Variants in RORB observed in about 807,000 individuals in gnomAD.
RORB encodes the protein nuclear receptor ROR-beta.
Under a neutral mutation model 59.1 loss-of-function variants are expected in RORB, and 6 were observed. That is an observed-to-expected ratio of 0.10 (90% CI 0.06 to 0.20). The LOEUF (loss-of-function observed/expected upper bound fraction) is 0.20, where lower values mean the gene tolerates loss of function less well. Among genes scored for constraint, RORB ranks in the 10% least tolerant of loss-of-function variants. The probability of loss-of-function intolerance (pLI) is 1.00; values close to 1 mark genes in which losing one functional copy is unlikely to be tolerated. For missense variants in RORB, 320 were observed against 560.5 expected, an observed-to-expected ratio of 0.57 and a Z score of 4.33; for synonymous variants, 215 against 204.5, an observed-to-expected ratio of 1.05 and a Z score of -0.44.
At chr9:74,575,445 T>C (rs778189378) in intron 1 of RORB, among the ~76,000 whole-genome samples, 3 of 152,108 alleles carry the variant, frequency 2.0e-5, no homozygotes, top group Admixed American at 6.6e-5. Context: ...CAGAAACTTT[T>C]CTGAAGCCCC....
intron 1 of RORB, among the ~76,000 whole-genome samples, chr9:74,609,638 T>C (rs1823204482): frequency 6.6e-6 from 1 of 152,226 alleles, no homozygotes; most frequent in Non-Finnish European, 1.5e-5. Flanking sequence ...GCATTTTCTC[T>C]TTTATTTCTC....
intron 1 of RORB, among the ~76,000 whole-genome samples, chr9:74,528,014 T>C (rs1452670632): frequency 1.3e-5 from 2 of 152,020 alleles, no homozygotes; most frequent in Non-Finnish European, 2.9e-5. Flanking sequence ...GATCAACAGA[T>C]GACCATAAAT....
intron 4 of RORB, among the ~76,000 whole-genome samples, chr9:74,651,933 T>A (rs562636191): frequency 1.3e-5 from 2 of 152,340 alleles, no homozygotes; most frequent in Admixed American, 1.3e-4. Context: ...AGACACACAC[T>A]GTTGCAATAC....
At chr9:74,659,983 T>C (rs923251799) in intron 4 of RORB, among the ~76,000 whole-genome samples, 12 of 87,696 alleles carry the variant, frequency 1.4e-4, no homozygotes, top group African/African-American at 5.1e-4. Context: ...ATTCCAATCA[T>C]TATCAACTCA....
chr9:74,627,946 G>GTGA (rs1006346050), intron 1 of RORB, among the ~76,000 whole-genome samples: 1 of 152,156 alleles, frequency 6.6e-6, no homozygotes, highest in African/African-American at 2.4e-5. Context: ...AATGATTGAT[G>GTGA]TGATGATGAT....
intron 4 of RORB, among the ~76,000 whole-genome samples, chr9:74,646,800 C>A (rs1480839509): frequency 1.3e-5 from 2 of 152,152 alleles, no homozygotes; most frequent in Non-Finnish European, 2.9e-5. Flanking sequence ...TTTCTGCCCT[C>A]ACCATCTAGG....
chr9:74,531,903 A>C (rs1263821526), intron 1 of RORB, among the ~76,000 whole-genome samples: 1 of 151,936 alleles, frequency 6.6e-6, no homozygotes, highest in Non-Finnish European at 1.5e-5. Context: ...CTTGAAATGC[A>C]CAGTGTCAAA....
chr9:74,672,305 C>T (rs531328527), intron 9 of RORB, among the ~76,000 whole-genome samples: 1 of 152,268 alleles, frequency 6.6e-6, no homozygotes, highest in African/African-American at 2.4e-5. Context: ...AAAGAAAGAA[C>T]AATCAAATGA....
chr9:74,563,803 A>C lies in RORB; in HGVS notation c.7+65820A>C, dbSNP rs142518989. 1.1e-3 allele frequency among the ~76,000 whole-genome samples: 175 copies of C among 152,316 alleles called. 1 individual carries two copies. In the East Asian group the frequency reaches 0.028, roughly 24 times the overall value. ...CTTGGAGTGAGTGGGTTAGGGACTG[A>C]GGAAAGCAAGTCTTAGAGGGATGCA... On this transcript the variant is annotated intron_variant, in intron 1 of 9. Coordinates refer to ENST00000376896, the MANE Select transcript of RORB (RefSeq NM_006914.4).
intron 1 of RORB, among the ~76,000 whole-genome samples, chr9:74,623,648 T>C (rs2118394345): frequency 6.6e-6 from 1 of 152,274 alleles, no homozygotes. Context: ...CCTCAGGATC[T>C]CATTCTAAAG....
intron 1 of RORB, among the ~76,000 whole-genome samples, chr9:74,565,863 A>C (rs1030112916): frequency 1.3e-5 from 2 of 152,208 alleles, no homozygotes; most frequent in African/African-American, 4.8e-5. Context: ...TGTCTCTTAC[A>C]TGAATATCAG....
chr9:74,685,277 CG>C (rs929379794), intron 9 of RORB, among the ~76,000 whole-genome samples, 185 bp from the exon 10 acceptor site: 1 of 31,674 alleles, frequency 3.2e-5, no homozygotes, highest in Non-Finnish European at 6.2e-5. Flanking sequence ...TCCGGGGGGG[CG>C]GGGGTGGGTA....
intron 4 of RORB, among the ~76,000 whole-genome samples, chr9:74,657,592 G>A (rs896352545): frequency 6.6e-6 from 1 of 152,050 alleles, no homozygotes; most frequent in South Asian, 2.1e-4. Context: ...CTCCTCTATG[G>A]TTATTTTCCT....
At chr9:74,542,707 A>G (rs1826427651) in intron 1 of RORB, among the ~76,000 whole-genome samples, 2 of 152,132 alleles carry the variant, frequency 1.3e-5, no homozygotes, top group Non-Finnish European at 2.9e-5. Context: ...ATTGTGGCTA[A>G]CTCTACTCAA....
intron 1 of RORB, among the ~76,000 whole-genome samples, chr9:74,620,252 C>G (rs2118383291): frequency 6.6e-6 from 1 of 152,260 alleles, no homozygotes; most frequent in Non-Finnish European, 1.5e-5. Flanking sequence ...AATTCAACTT[C>G]TTCCTGGTTT....
intron 1 of RORB, among the ~76,000 whole-genome samples, chr9:74,558,485 A>G (rs1018096359): frequency 6.6e-6 from 1 of 152,180 alleles, no homozygotes; most frequent in African/African-American, 2.4e-5. Flanking sequence ...TCAGAACTTA[A>G]ATGAATGGAA....
chr9:74,644,457 G>A (rs1353129897), intron 4 of RORB, among the ~76,000 whole-genome samples: 5 of 152,098 alleles, frequency 3.3e-5, no homozygotes, highest in Admixed American at 2.0e-4. Context: ...TGCTGAAACC[G>A]AAGCTTAGAG....
At chr9:74,645,674 C>T (rs1273512910) in intron 4 of RORB, among the ~76,000 whole-genome samples, 1 of 152,140 alleles carries the variant, frequency 6.6e-6, no homozygotes, top group Admixed American at 6.6e-5. Flanking sequence ...CGAGCACCTA[C>T]ACTGTGATGA....
intron 1 of RORB, among the ~76,000 whole-genome samples, chr9:74,524,624 C>T (rs1826130538): frequency 6.6e-6 from 1 of 151,934 alleles, no homozygotes; most frequent in Non-Finnish European, 1.5e-5. Flanking sequence ...GGTATCTTCT[C>T]TATTTGCATA....
Sources: gnomAD v4.1 joint callset for allele counts (sites outside exome capture counted in the v4.1 genomes callset) on GRCh38, gnomAD v4.1.1 for gene constraint, MANE v1.5 for transcripts, NCBI Gene and HGNC (gene_info 2026-07-23, HGNC 2026-07-21) for gene names.